PCDHB5: variants seen among roughly 807,000 people sequenced by gnomAD.
PCDHB5 encodes the protein protocadherin beta 5, also known as protocadherin beta-5.
For synonymous variants in PCDHB5, 569 were observed against 462.2 expected, an observed-to-expected ratio of 1.23 and a Z score of -2.96; for missense variants, 1,125 against 1,029.4, an observed-to-expected ratio of 1.09 and a Z score of -1.27.
rs782236379 is a variant in PCDHB5 at position 141,136,047 on chromosome 5, C to A, written c.613C>A (p.Arg205=). 3.7e-6 allele frequency: 6 copies of A among 1,614,046 alleles called. No homozygotes were observed. In the African/African-American group the frequency reaches 4.0e-5, roughly 11 times the overall value. ...GGACAAAGCGCTGGACCGGGAGGAGCGGCCTGAGCTCAGCTTAACACTCAC... is the reference window on the plus strand; with the variant it reads ...GGACAAAGCGCTGGACCGGGAGGAGAGGCCTGAGCTCAGCTTAACACTCAC... ...VLDKALDREE[R]PELSLTLTAL... Residue 205 remains arginine (R), a synonymous_variant, in exon 1 of 1, where the codon CGG becomes AGG. Transcript: ENST00000231134.
rs1554275966 is a variant in PCDHB5 at position 141,136,709 on chromosome 5, G to C, written c.1275G>C (p.Met425Ile). Residue 425 changes from methionine to isoleucine, a missense_variant, in exon 1 of 1, where the codon ATG becomes ATC. Physicochemically the swap from Met to Ile is conservative, Grantham distance 10 (BLOSUM62 1). Transcript: ENST00000231134. Reference sequence around the variant, plus strand: ...ACATCACCATCACTGTCACCGACATGGGGACACCCAGGCTGAAAACCGAGC... The same window carrying C: ...ACATCACCATCACTGTCACCGACATCGGGACACCCAGGCTGAAAACCGAGC... ...EYNITITVTD[M>I]GTPRLKTEHN... 6.2e-7 allele frequency: 1 copy of C among 1,614,060 alleles called. No homozygotes were observed. Among genetic ancestry groups the C allele is most frequent in the East Asian group, 2.2e-5 (1 of 44,870 alleles).
Position 141,136,909 on chromosome 5 carries a change from C to G in PCDHB5, c.1475C>G (p.Pro492Arg). 1 of 1,612,684 alleles carries G rather than the reference C, an allele frequency of 6.2e-7. No individual in the cohort carries two copies. The highest frequency in any genetic ancestry group is 2.2e-5 in the East Asian group (1 of 44,864). The change falls in exon 1 of 1, where the codon CCC becomes CGC. Residue 492 changes from proline to arginine, a missense_variant. By Grantham distance (103) the Pro-to-Arg change is moderately radical. Coordinates refer to ENST00000231134, the MANE Select transcript of PCDHB5 (RefSeq NM_015669.5). ...CAGGTCACCTACTCGCTGCTGCCGC[C>G]CCAGAACCCACACCTGCGCCTCGCC... ...NAQVTYSLLP[P>R]QNPHLRLASL... is the part of the protein sequence containing the mutation.
chr5:141,136,110 AC>A lies in PCDHB5; in HGVS notation c.678del (p.Thr227GlnfsTer34). ...TGGGGCTCCGCCCAGGTCCGGGACC[AC>A]CACAATTCGCATTGTCGTCTTGGAT... ...DGGAPPRSGT[T>X]TIRIVVLDNN... On this transcript the variant is annotated frameshift_variant, in exon 1 of 1. Transcript: ENST00000231134. LOFTEE classifies it low-confidence loss of function (END_TRUNC). 1 of 1,614,196 alleles carries A rather than the reference AC, an allele frequency of 6.2e-7. No individual in the cohort carries two copies. The highest frequency in any genetic ancestry group is 8.5e-7 in the Non-Finnish European group (1 of 1,179,996).
rs782500535 is a variant in PCDHB5 at position 141,136,109 on chromosome 5, C to T, written c.675C>T (p.Thr225=). ...GTGGGGCTCCGCCCAGGTCCGGGAC[C>T]ACCACAATTCGCATTGTCGTCTTGG... ...LDGGAPPRSG[T]TTIRIVVLDN... is the part of the protein sequence containing the mutation. The change falls in exon 1 of 1, where the codon ACC becomes ACT. Residue 225 remains threonine, a synonymous_variant. Coordinates refer to ENST00000231134, the MANE Select transcript of PCDHB5 (RefSeq NM_015669.5). 1.2e-6 allele frequency: 2 copies of T among 1,614,100 alleles called. No individual in the cohort carries two copies. The highest frequency in any genetic ancestry group is 8.5e-7 in the Non-Finnish European group (1 of 1,179,946).
rs782632636 is a variant in PCDHB5 at position 141,136,874 on chromosome 5, C to A, written c.1440C>A (p.Gly480=). ...GSVSATDRDS[G]TNAQVTYSLL... is the part of the protein sequence containing the mutation. The stretch of plus-strand genomic sequence containing the variant: ...TCAGCGCCACAGACAGAGACTCAGG[C>A]ACCAACGCCCAGGTCACCTACTCGC... The change falls in exon 1 of 1, where the codon GGC becomes GGA. Residue 480 remains glycine, a synonymous_variant. Transcript: ENST00000231134. 11 of 1,612,792 alleles carry A rather than the reference C, an allele frequency of 6.8e-6. No individual in the cohort carries two copies. In the East Asian group the frequency reaches 2.5e-4, roughly 36 times the overall value.
rs550650704 is a variant in PCDHB5, at chr5:141,138,487, G to T, written c.*665G>T. ...AAAATGAAACATCACTGGCACCCCA[G>T]GTGCCACACAAATTACTCCTTACAA... On this transcript the variant is annotated 3_prime_UTR_variant, in exon 1 of 1. Coordinates refer to ENST00000231134, the MANE Select transcript of PCDHB5 (RefSeq NM_015669.5). 6.6e-6 allele frequency: 1 copy of T among 152,144 alleles called. No homozygotes were observed. The highest frequency in any genetic ancestry group is 1.9e-4 in the East Asian group (1 of 5,192). The allele number at this position is 152,144 out of a possible 1,614,324, so 9.4% of individuals were successfully genotyped here.
At position 141,136,510 on chromosome 5, in the gene PCDHB5, C is replaced by T. The variant is rs150592100; in HGVS notation, c.1076C>T (p.Ala359Val). The change falls in exon 1 of 1, where the codon GCC becomes GTC. Residue 359 changes from alanine to valine, a missense_variant. Ala to Val is a moderately conservative substitution (Grantham distance 64). Coordinates refer to ENST00000231134, the MANE Select transcript of PCDHB5 (RefSeq NM_015669.5). ...CTCTCCAGCCCTACCCCAGAAAATG[C>T]CCCGGAAACTGTAGTTGCCGTTTTC... Reference protein sequence around the residue: ...STLSSPTPENAPETVVAVFSV... With the variant: ...STLSSPTPENVPETVVAVFSV... The T allele has an allele frequency of 2.0e-5, 32 of 1,613,866 alleles. No homozygotes were observed. In the African/African-American group the frequency reaches 3.1e-4, roughly 15 times the overall value.
Position 141,137,150 on chromosome 5 carries a change from C to G in PCDHB5, c.1716C>G (p.Thr572=). ...YPLQNGSAPC[T]ELVPRAAEPG... is the part of the protein sequence containing the mutation. ...TGCAGAACGGCTCGGCGCCTTGCAC[C>G]GAGCTGGTGCCCCGGGCGGCCGAGC... The change falls in exon 1 of 1, where the codon ACC becomes ACG. Residue 572 remains threonine, a synonymous_variant. Coordinates refer to ENST00000231134, the MANE Select transcript of PCDHB5 (RefSeq NM_015669.5). 1.2e-6 allele frequency: 2 copies of G among 1,610,790 alleles called. No homozygotes were observed. Among genetic ancestry groups the G allele is most frequent in the Admixed American group, 1.7e-5 (1 of 59,992 alleles).
At position 141,137,032 on chromosome 5, in the gene PCDHB5, C is replaced by G; in HGVS notation, c.1598C>G (p.Thr533Arg). ...LQAFEFRVGA[T>R]DRGSPALSSE... ...GCGTTCGAGTTCCGCGTGGGAGCCACAGACCGCGGCTCCCCGGCGCTGAGC... is the reference window on the plus strand; with the variant it reads ...GCGTTCGAGTTCCGCGTGGGAGCCAGAGACCGCGGCTCCCCGGCGCTGAGC... The change falls in exon 1 of 1, where the codon ACA (threonine) becomes AGA (arginine). Residue 533 changes from threonine (T) to arginine (R), a missense_variant. Transcript: ENST00000231134. 6.2e-7 allele frequency: 1 copy of G among 1,612,000 alleles called. No individual in the cohort carries two copies. Among genetic ancestry groups the G allele is most frequent in the Non-Finnish European group, 8.5e-7 (1 of 1,179,802 alleles).
Position 141,137,105 on chromosome 5 carries a change from G to A in PCDHB5, c.1671G>A (p.Ser557=), listed in dbSNP as rs782210773. The A allele has an allele frequency of 1.9e-6, 3 of 1,611,452 alleles. No individual in the cohort carries two copies. Among genetic ancestry groups the A allele is most frequent in the African/African-American group, 2.7e-5 (2 of 74,854 alleles). ...TGGTGCTGGACGCCAACGACAACTCGCCCTTCGTGCTGTATCCGCTGCAGA... is the reference window on the plus strand; with the variant it reads ...TGGTGCTGGACGCCAACGACAACTCACCCTTCGTGCTGTATCCGCTGCAGA... ...RVLVLDANDN[S]PFVLYPLQNG... The change falls in exon 1 of 1, where the codon TCG becomes TCA. Residue 557 remains serine (S), a synonymous_variant. Coordinates refer to ENST00000231134, the MANE Select transcript of PCDHB5 (RefSeq NM_015669.5).
chr5:141,137,849 T>C lies in PCDHB5; in HGVS notation c.*27T>C, dbSNP rs246725. The C allele has an allele frequency of 0.091, 139,366 of 1,534,324 alleles. 6,717 individuals carry two copies. The highest frequency in any genetic ancestry group is 0.14 in the African/African-American group (9,910 of 72,406). On this transcript the variant is annotated 3_prime_UTR_variant, in exon 1 of 1. Transcript: ENST00000231134. The stretch of plus-strand genomic sequence containing the variant: ...GATCTCGTGATGACGCGTTGTTTTC[T>C]GCCATTTATCCCAAACTTTTTCAGA...
chr5:141,138,055 G>T lies in PCDHB5; in HGVS notation c.*233G>T. ...CCATGCATGCTGTTGATTTTCCTGAGATTTTTTTCTCTTCTTGTTGGTATT... is the reference window on the plus strand; with the variant it reads ...CCATGCATGCTGTTGATTTTCCTGATATTTTTTTCTCTTCTTGTTGGTATT... On this transcript the variant is annotated 3_prime_UTR_variant, in exon 1 of 1. Transcript: ENST00000231134. 3 of 464,286 alleles carry T rather than the reference G, an allele frequency of 6.5e-6. No homozygotes were observed. Among genetic ancestry groups the T allele is most frequent in the East Asian group, 3.5e-5 (1 of 28,568 alleles). The allele number at this position is 464,286 out of a possible 1,614,324, so 28.8% of individuals were successfully genotyped here. A position where few individuals can be genotyped will look rare whatever the true frequency, so the allele number is the denominator to read the frequency against.
Position 141,136,025 on chromosome 5 carries a change from C to G in PCDHB5, c.591C>G (p.Asp197Glu), listed in dbSNP as rs1418449358. ...DGRKYPELVL[D>E]KALDREERPE... ...GAAAATACCCAGAGCTGGTGCTGGA[C>G]AAAGCGCTGGACCGGGAGGAGCGGC... The change falls in exon 1 of 1, where the codon GAC becomes GAG. Residue 197 changes from aspartate (D) to glutamate (E), a missense_variant. Asp to Glu is a conservative substitution (Grantham distance 45). Transcript: ENST00000231134. 1.2e-6 allele frequency: 2 copies of G among 1,614,008 alleles called. No homozygotes were observed. The highest frequency in any genetic ancestry group is 2.7e-5 in the African/African-American group (2 of 74,944).
Position 141,137,596 on chromosome 5 carries a change from T to A in PCDHB5, c.2162T>A (p.Val721Asp). ...TGCAGGAGGAGCAGGGCGGCCCCGG[T>A]CGGTCGCTGCTCGGTGCCCGAGGGC... is the stretch of plus-strand genomic sequence containing the variant. ...RLCRRSRAAPVGRCSVPEGPF... is the reference protein window; with the variant it reads ...RLCRRSRAAPDGRCSVPEGPF... Residue 721 changes from valine to aspartate, a missense_variant, in exon 1 of 1, where the codon GTC (valine) becomes GAC (aspartate). Val to Asp is a radical substitution (Grantham distance 152, BLOSUM62 -3). Coordinates refer to ENST00000231134, the MANE Select transcript of PCDHB5 (RefSeq NM_015669.5). 2 of 1,613,152 alleles carry A rather than the reference T, an allele frequency of 1.2e-6. No individual in the cohort carries two copies. The highest frequency in any genetic ancestry group is 1.7e-6 in the Non-Finnish European group (2 of 1,180,006).
rs577889337 is a variant in PCDHB5 at position 141,137,294 on chromosome 5, T to A, written c.1860T>A (p.Asn620Lys). Residue 620 changes from asparagine (N) to lysine (K), a missense_variant, in exon 1 of 1, where the codon AAT (asparagine) becomes AAA (lysine). Asn to Lys is a moderately conservative substitution (Grantham distance 94). Coordinates refer to ENST00000231134, the MANE Select transcript of PCDHB5 (RefSeq NM_015669.5). ...GGCTGTTCAGCATGTGGGCGCACAA[T>A]GGCGAGGTGCGCACCGCCAGGCTGC... ...EPGLFSMWAH[N>K]GEVRTARLLS... 2 of 1,610,398 alleles carry A rather than the reference T, an allele frequency of 1.2e-6. No homozygotes were observed. Among genetic ancestry groups the A allele is most frequent in the Non-Finnish European group, 1.7e-6 (2 of 1,179,614 alleles).
At position 141,136,437 on chromosome 5, in the gene PCDHB5, G is replaced by T. The variant is rs1752576950; in HGVS notation, c.1003G>T (p.Glu335Ter). ...GLSGKCTVAIEVVDVNDNAPE... is the reference protein window; with the variant it reads ...GLSGKCTVAI ...TTCAGGAAAATGCACTGTGGCTATAGAAGTGGTGGATGTGAATGACAACGC... is the reference window on the plus strand; with the variant it reads ...TTCAGGAAAATGCACTGTGGCTATATAAGTGGTGGATGTGAATGACAACGC... Residue 335 changes from glutamate to a stop codon, truncating the protein, a stop_gained, in exon 1 of 1, where the codon GAA becomes TAA. Coordinates refer to ENST00000231134, the MANE Select transcript of PCDHB5 (RefSeq NM_015669.5). LOFTEE classifies it low-confidence loss of function (END_TRUNC). 1 of 1,614,180 alleles carries T rather than the reference G, an allele frequency of 6.2e-7. No homozygotes were observed. The highest frequency in any genetic ancestry group is 8.5e-7 in the Non-Finnish European group (1 of 1,180,034).
At position 141,137,065 on chromosome 5, in the gene PCDHB5, C is replaced by T. The variant is rs782178430; in HGVS notation, c.1631C>T (p.Ala544Val). ...DRGSPALSSE[A>V]LVRVLVLDAN... ...GGCTCCCCGGCGCTGAGCAGCGAGG[C>T]GCTGGTGCGCGTGCTGGTGCTGGAC... The change falls in exon 1 of 1, where the codon GCG (alanine) becomes GTG (valine). Residue 544 changes from alanine (A) to valine (V), a missense_variant. Coordinates refer to ENST00000231134, the MANE Select transcript of PCDHB5 (RefSeq NM_015669.5). 1.2e-6 allele frequency: 2 copies of T among 1,611,698 alleles called. No homozygotes were observed. The highest frequency in any genetic ancestry group is 2.2e-5 in the East Asian group (1 of 44,864).
chr5:141,136,589 G>A lies in PCDHB5; in HGVS notation c.1155G>A (p.Gln385=). The part of the protein sequence containing the change: ...GDNGRMICSI[Q]NDLPFLLKPT... ...ACGGTAGGATGATTTGCTCCATCCA[G>A]AATGATCTCCCCTTTCTTTTGAAGC... The change falls in exon 1 of 1, where the codon CAG becomes CAA. Residue 385 remains glutamine (Q), a synonymous_variant. Transcript: ENST00000231134. The A allele has an allele frequency of 2.5e-6, 4 of 1,614,106 alleles. No individual in the cohort carries two copies. Among genetic ancestry groups the A allele is most frequent in the Middle Eastern group, 3.3e-4 (2 of 6,062 alleles).
Position 141,136,812 on chromosome 5 carries a change from C to G in PCDHB5, c.1378C>G (p.Arg460Gly), listed in dbSNP as rs201677139. The change falls in exon 1 of 1, where the codon CGA becomes GGA. Residue 460 changes from arginine to glycine, a missense_variant. Physicochemically the swap from Arg to Gly is moderately radical, Grantham distance 125 (BLOSUM62 -2). Transcript: ENST00000231134. ...FTQTSYTLFV[R>G]ENNSPALHIG... ...CCAAACCTCCTACACCCTGTTCGTC[C>G]GAGAGAACAACAGCCCCGCCCTGCA... is the stretch of plus-strand genomic sequence containing the variant. 121 of 1,613,624 alleles carry G rather than the reference C, an allele frequency of 7.5e-5. No homozygotes were observed. Among genetic ancestry groups the G allele is most frequent in the Admixed American group, 3.2e-4 (19 of 60,026 alleles).
Sources: gnomAD v4.1 joint callset for allele counts on GRCh38, gnomAD v4.1.1 for gene constraint, MANE v1.5 for transcripts, NCBI Gene and HGNC (gene_info 2026-07-23, HGNC 2026-07-21) for gene names.